The following UGT1A6 variants were observed in gnomAD, a reference collection of about 807,000 sequenced individuals.
The protein encoded by UGT1A6 is UDP-glucuronosyltransferase 1A6.
In UGT1A6, 32 loss-of-function variants were observed where a neutral mutation model predicts 44.4. That is an observed-to-expected ratio of 0.72 (90% confidence interval 0.54 to 0.97). UGT1A6 has a LOEUF of 0.97. Among genes scored for constraint, UGT1A6 ranks in the 50% least tolerant of loss-of-function variants. The probability of loss-of-function intolerance (pLI) is 0.00; values close to 1 mark genes in which losing one functional copy is unlikely to be tolerated. For synonymous variants in UGT1A6, 238 were observed against 248.5 expected (o/e 0.96, Z 0.40); for missense variants, 685 against 661.9 (o/e 1.03, Z -0.38).
chr2:233,693,758 G>C lies in UGT1A6; in HGVS notation c.754G>C (p.Val252Leu). Residue 252 changes from valine (V) to leucine (L), a missense_variant, in exon 1 of 5, where the codon GTT becomes CTT. Physicochemically the swap from Val to Leu is conservative, Grantham distance 32. Transcript: ENST00000305139. ...DIITLYQKVS[V>L]WLLRYDFVLE... ...AATCACCTTATATCAGAAGGTCTCT[G>C]TTTGGCTGTTAAGATATGACTTTGT... 1.2e-6 allele frequency: 2 copies of C among 1,614,234 alleles called. No individual in the cohort carries two copies. Among genetic ancestry groups the C allele is most frequent in the Non-Finnish European group, 1.7e-6 (2 of 1,180,050 alleles).
In UGT1A6 at chr2:233,772,286, C is replaced by T. The variant is rs1559419792; in HGVS notation, c.1326C>T (p.Leu442=). ...DKSYKENIMR[L]SSLHKDRPVE... ...GTTACAAGGAGAACATCATGCGCCT[C>T]TCCAGCCTTCACAAGGACCGCCCGG... The change falls in exon 5 of 5, where the codon CTC becomes CTT. Residue 442 remains leucine, a synonymous_variant. Transcript: ENST00000305139. 1 of 1,614,248 alleles carries T rather than the reference C, an allele frequency of 6.2e-7. No homozygotes were observed. The highest frequency in any genetic ancestry group is 8.5e-7 in the Non-Finnish European group (1 of 1,180,054).
At chr2:233,713,345 CA>C in intron 1 of UGT1A6, 1 of 1,614,188 alleles carries the variant, frequency 6.2e-7, no homozygotes, top group Admixed American at 1.7e-5. Flanking sequence ...CAATTATGAA[CA>C]ATATGTCTTT....
intron 1 of UGT1A6, among the ~76,000 whole-genome samples, chr2:233,763,257 T>A (rs187516962): frequency 6.6e-6 from 1 of 152,268 alleles, no homozygotes. Context: ...TAACCTGTTT[T>A]GTCTTGTTGC....
At chr2:233,711,977 C>T (rs562474845) in intron 1 of UGT1A6, among the ~76,000 whole-genome samples, 2 of 152,280 alleles carry the variant, frequency 1.3e-5, no homozygotes, top group Admixed American at 6.5e-5. Context: ...TGAACTAGAG[C>T]CCCCACAAAT....
chr2:233,750,363 A>C (rs1694437440), intron 1 of UGT1A6, among the ~76,000 whole-genome samples: 1 of 151,980 alleles, frequency 6.6e-6, no homozygotes, highest in African/African-American at 2.4e-5. Context: ...TATGTTTAAA[A>C]GGGAAGCAGA....
chr2:233,717,910 C>T (rs533075962), intron 1 of UGT1A6: 5 of 454,782 alleles, frequency 1.1e-5, no homozygotes, highest in Admixed American at 4.7e-5. Context: ...GAAATAAAGG[C>T]CTGGATGAAT....
In UGT1A6 at chr2:233,752,049, A is replaced by C. The variant is rs1694880379; in HGVS notation, c.862-14985A>C. On this transcript the variant is annotated intron_variant, in intron 1 of 4. Transcript: ENST00000305139. ...TCCTAGAAAGGTAAGCTGTTGTGTG[A>C]ATGATTTCCCGAGATGGGGAAGTCT... Among the ~76,000 whole-genome samples the C allele has an allele frequency of 2.0e-5, 3 of 152,224 alleles. 1 individual carries two copies. The highest frequency in any genetic ancestry group is 7.2e-5 in the African/African-American group (3 of 41,440).
chr2:233,719,080 A>T (rs1329829423), intron 1 of UGT1A6: 1 of 1,614,142 alleles, frequency 6.2e-7, no homozygotes, highest in East Asian at 2.2e-5. Flanking sequence ...TGGACCCAGA[A>T]GGAATTTGAT....
At chr2:233,712,988 TGA>T in intron 1 of UGT1A6, 1 of 1,613,306 alleles carries the variant, frequency 6.2e-7, no homozygotes, top group Non-Finnish European at 8.5e-7. Context: ...TGGCTTCTGC[TGA>T]GATGGCCACA....
At position 233,730,325 on chromosome 2, in the gene UGT1A6, C is replaced by A. The variant is rs532901219; in HGVS notation, c.861+36460C>A. On this transcript the variant is annotated intron_variant, in intron 1 of 4. Transcript: ENST00000305139. ...CTTCAGCTTGGCAGGAACAGGGACA[C>A]TACGTTTGGAACTGATCCATCCTGG... 4.6e-5 allele frequency among the ~76,000 whole-genome samples: 7 copies of A among 152,252 alleles called. No individual in the cohort carries two copies. In the South Asian group the frequency reaches 1.2e-3, roughly 27 times the overall value.
At chr2:233,715,800 A>G (rs144113297) in intron 1 of UGT1A6, among the ~76,000 whole-genome samples, 21 of 152,308 alleles carry the variant, frequency 1.4e-4, no homozygotes, top group African/African-American at 4.8e-4. Context: ...TTGGAATGTG[A>G]AAATCTTGTT....
chr2:233,720,908 G>A (rs900265154), intron 1 of UGT1A6, among the ~76,000 whole-genome samples: 18 of 140,522 alleles, frequency 1.3e-4, no homozygotes, highest in African/African-American at 3.0e-4. Context: ...ATGAGGTTTC[G>A]CAATGTTAGC....
chr2:233,719,362 A>G (rs780815803), intron 1 of UGT1A6: 39 of 1,613,708 alleles, frequency 2.4e-5, no homozygotes, highest in Non-Finnish European at 3.1e-5. Context: ...TGTGACTTAG[A>G]CTTTAAGGGC....
chr2:233,719,820 C>G, intron 1 of UGT1A6: 1 of 1,571,826 alleles, frequency 6.4e-7, no homozygotes, highest in Non-Finnish European at 8.6e-7. Context: ...AACAGATAAA[C>G]TGTTGAGGGG....
At chr2:233,710,121 G>A (rs1020127755) in intron 1 of UGT1A6, among the ~76,000 whole-genome samples, 2 of 152,068 alleles carry the variant, frequency 1.3e-5, no homozygotes, top group Non-Finnish European at 2.9e-5. Flanking sequence ...TTCTATTTCC[G>A]AGTAGCATTT....
chr2:233,703,685 T>C (rs1041674498), intron 1 of UGT1A6, among the ~76,000 whole-genome samples: 7 of 152,282 alleles, frequency 4.6e-5, no homozygotes, highest in Admixed American at 2.0e-4. Flanking sequence ...ATATTTTTTT[T>C]CCACCATTTA....
chr2:233,772,593 C>A lies in UGT1A6; in HGVS notation c.*34C>A. The A allele has an allele frequency of 2.5e-6, 4 of 1,598,604 alleles. No individual in the cohort carries two copies. Among genetic ancestry groups the A allele is most frequent in the Non-Finnish European group, 3.4e-6 (4 of 1,171,794 alleles). On this transcript the variant is annotated 3_prime_UTR_variant, in exon 5 of 5. Transcript: ENST00000305139. The stretch of plus-strand genomic sequence containing the variant: ...TGGGAAATAAGGTAAAATTTTGAAC[C>A]ATTCCCTAGTCATTTCCAAACTTGA...
intron 1 of UGT1A6, among the ~76,000 whole-genome samples, chr2:233,757,366 A>G (rs1696506551): frequency 6.6e-6 from 1 of 151,072 alleles, no homozygotes; most frequent in Admixed American, 6.6e-5. Flanking sequence ...AGTGGTAGAA[A>G]CATCCAGATT....
At chr2:233,764,396 C>G (rs1202361734) in intron 1 of UGT1A6, among the ~76,000 whole-genome samples, 1 of 152,202 alleles carries the variant, frequency 6.6e-6, no homozygotes, top group African/African-American at 2.4e-5. Flanking sequence ...GTGATGACAA[C>G]TTCTCTGCAG....
Sources: gnomAD v4.1 joint callset for allele counts (sites outside exome capture counted in the v4.1 genomes callset) on GRCh38, gnomAD v4.1.1 for gene constraint, MANE v1.5 for transcripts, NCBI Gene and HGNC (gene_info 2026-07-23, HGNC 2026-07-21) for gene names.